The following CTNNBL1 variants were observed in gnomAD, a reference collection of about 807,000 sequenced individuals.
CTNNBL1 encodes the protein catenin beta like 1.
CTNNBL1 carries 31 observed loss-of-function variants against 72.7 expected under a neutral mutation model. The observed-to-expected ratio is 0.43, with a 90% CI of 0.32 to 0.58. The LOEUF (loss-of-function observed/expected upper bound fraction) is 0.58, where lower values mean the gene tolerates loss of function less well. Ranked by LOEUF, CTNNBL1 falls within the 20% of genes least tolerant of loss-of-function variation. The pLI is 0.08. For missense variants in CTNNBL1, 534 were observed against 725.1 expected (o/e 0.74, Z 3.03); for synonymous variants, 240 against 267.3 (o/e 0.90, Z 1.00).
Position 37,777,727 on chromosome 20 carries a change from T to C in CTNNBL1, c.882+15T>C, listed in dbSNP as rs986691487. On this transcript the variant is annotated intron_variant, in intron 9 of 15. Transcript: ENST00000361383. ...AGCAGTTATCCGTGAGTAATTCTTA[T>C]GCTTCCTGTCTGCTGTAAGATACAT... 2.5e-6 allele frequency: 4 copies of C among 1,612,660 alleles called. No homozygotes were observed. Among genetic ancestry groups the C allele is most frequent in the East Asian group, 2.2e-5 (1 of 44,874 alleles).
chr20:37,855,397 A>G (rs780572369), intron 13 of CTNNBL1, among the ~76,000 whole-genome samples: 2 of 152,160 alleles, frequency 1.3e-5, no homozygotes, highest in East Asian at 1.9e-4. Flanking sequence ...AATAGTCATT[A>G]TTACATTTTT....
At chr20:37,815,163 G>C (rs551508289) in intron 11 of CTNNBL1, among the ~76,000 whole-genome samples, 75 of 151,678 alleles carry the variant, frequency 4.9e-4, no homozygotes, top group African/African-American at 1.6e-3. Flanking sequence ...TGCATCTTGG[G>C]CATTTTTTAG....
chr20:37,709,146 C>CA (rs950787848), intron 1 of CTNNBL1, among the ~76,000 whole-genome samples: 10 of 150,408 alleles, frequency 6.6e-5, no homozygotes, highest in South Asian at 6.4e-4. Flanking sequence ...AAAAAACAAA[C>CA]AAAAAAAAAG....
chr20:37,827,210 T>G (rs1370530212), intron 11 of CTNNBL1, among the ~76,000 whole-genome samples: 1 of 152,218 alleles, frequency 6.6e-6, no homozygotes, highest in Non-Finnish European at 1.5e-5. Flanking sequence ...AGTATTCCAG[T>G]GTGTGGATTT....
chr20:37,826,440 AC>A (rs2072160745), intron 11 of CTNNBL1, among the ~76,000 whole-genome samples: 1 of 152,238 alleles, frequency 6.6e-6, no homozygotes, highest in Admixed American at 6.5e-5. Context: ...GAAAGATGAG[AC>A]TACTGAGTTA....
chr20:37,831,367 CTTTTT>C (rs202003605), intron 11 of CTNNBL1, among the ~76,000 whole-genome samples: 1 of 149,260 alleles, frequency 6.7e-6, no homozygotes, highest in Non-Finnish European at 1.5e-5. Flanking sequence ...TTTTTCTTTT[CTTTTT>C]TTTTTTTTTT....
At chr20:37,708,623 G>T (rs1317257696) in intron 1 of CTNNBL1, among the ~76,000 whole-genome samples, 1 of 152,128 alleles carries the variant, frequency 6.6e-6, no homozygotes, top group Non-Finnish European at 1.5e-5. Context: ...AAATGTTTTA[G>T]CCTAAACTTT....
At position 37,840,208 on chromosome 20, in the gene CTNNBL1, CT is replaced by C. The variant is rs761287340; in HGVS notation, c.1311+10del. On this transcript the variant is annotated intron_variant, in intron 12 of 15. Transcript: ENST00000361383. ...AAAATGACAGTGAGAAGGTGGGTGA[CT>C]GTTGGACTGTAAAGCTGGGACCGGG... 2.5e-6 allele frequency: 4 copies of C among 1,589,300 alleles called. No individual in the cohort carries two copies. The highest frequency in any genetic ancestry group is 3.5e-6 in the Non-Finnish European group (4 of 1,158,196).
intron 7 of CTNNBL1, among the ~76,000 whole-genome samples, chr20:37,776,881 C>T (rs1259688601): frequency 6.6e-6 from 1 of 152,130 alleles, no homozygotes; most frequent in African/African-American, 2.4e-5. Flanking sequence ...CCAGAAGGAA[C>T]TACTTTGTGA....
At chr20:37,786,105 G>C (rs66999026) in intron 10 of CTNNBL1, among the ~76,000 whole-genome samples, 11 of 151,360 alleles carry the variant, frequency 7.3e-5, no homozygotes, top group Non-Finnish European at 1.0e-4. Context: ...CCCCAAACAC[G>C]TGGAGTCTCT....
chr20:37,769,767 A>G (rs2073506286), intron 7 of CTNNBL1, among the ~76,000 whole-genome samples: 1 of 152,216 alleles, frequency 6.6e-6, no homozygotes, highest in South Asian at 2.1e-4. Flanking sequence ...GTTTGTAACT[A>G]AAGTAATGCT....
At chr20:37,770,884 TG>T (rs1251720803) in intron 7 of CTNNBL1, among the ~76,000 whole-genome samples, 1 of 152,256 alleles carries the variant, frequency 6.6e-6, no homozygotes, top group African/African-American at 2.4e-5. Context: ...AATAAAGTCC[TG>T]CTTAAGGGTG....
intron 1 of CTNNBL1, among the ~76,000 whole-genome samples, chr20:37,715,060 A>C (rs2072974311): frequency 6.6e-6 from 1 of 152,240 alleles, no homozygotes; most frequent in Non-Finnish European, 1.5e-5. Flanking sequence ...ACCTAGGACA[A>C]ACATGGGTTT....
At chr20:37,858,356 T>TATGA (rs2072461313) in intron 13 of CTNNBL1, among the ~76,000 whole-genome samples, 1 of 152,178 alleles carries the variant, frequency 6.6e-6, no homozygotes, top group Non-Finnish European at 1.5e-5. Flanking sequence ...CTGAAGTCAG[T>TATGA]ATGAAGATGA....
intron 10 of CTNNBL1, among the ~76,000 whole-genome samples, chr20:37,791,479 G>A (rs1231598924): frequency 1.3e-5 from 2 of 152,164 alleles, no homozygotes; most frequent in East Asian, 3.8e-4. Context: ...TGTCCTTCAT[G>A]TCCAAATTTG....
chr20:37,750,578 CT>C (rs2073310260), intron 4 of CTNNBL1: 1 of 152,038 alleles, frequency 6.6e-6, no homozygotes, highest in South Asian at 2.1e-4. Flanking sequence ...TTGTGGACTG[CT>C]TTAAGCCAGA....
At chr20:37,835,350 A>G (rs1210490500) in intron 11 of CTNNBL1, among the ~76,000 whole-genome samples, 1 of 152,120 alleles carries the variant, frequency 6.6e-6, no homozygotes. Context: ...TATATTTCCT[A>G]TTCTGTTTCT....
In CTNNBL1 at chr20:37,724,751, G is replaced by C. The variant is rs6122920; in HGVS notation, c.31-8128G>C. On this transcript the variant is annotated intron_variant, in intron 1 of 15. Transcript: ENST00000361383. ...TCCGAGAAATGAGTACATAATCTCTGTCTCCCCTCTCTTTATTTGTCAATG... is the reference window on the plus strand; with the variant it reads ...TCCGAGAAATGAGTACATAATCTCTCTCTCCCCTCTCTTTATTTGTCAATG... 2.8e-3 allele frequency among the ~76,000 whole-genome samples: 430 copies of C among 152,206 alleles called. 5 individuals are homozygous for C. The highest frequency in any genetic ancestry group is 0.017 in the East Asian group (89 of 5,186).
At chr20:37,758,412 T>C (rs570051368) in intron 5 of CTNNBL1, among the ~76,000 whole-genome samples, 157 of 152,338 alleles carry the variant, frequency 1.0e-3, no homozygotes, top group African/African-American at 3.6e-3. Context: ...CTAGGCAAAC[T>C]GCCTTACATG....
Sources: gnomAD v4.1 joint callset for allele counts (sites outside exome capture counted in the v4.1 genomes callset) on GRCh38, gnomAD v4.1.1 for gene constraint, MANE v1.5 for transcripts, NCBI Gene and HGNC (gene_info 2026-07-23, HGNC 2026-07-21) for gene names.